The following CCL25 variants were observed in gnomAD, a reference collection of about 807,000 sequenced individuals.
CCL25 encodes C-C motif chemokine ligand 25.
Under a neutral mutation model 19.9 loss-of-function variants are expected in CCL25, and 14 were observed. The observed-to-expected ratio is 0.70, with a 90% confidence interval of 0.47 to 1.10. The LOEUF is 1.10. CCL25 is among the 50% of genes least tolerant of loss of function. CCL25 has a pLI of 0.00. For missense variants in CCL25, 151 were observed against 181.2 expected (o/e 0.83, Z 0.96); for synonymous variants, 68 against 73.2 (o/e 0.93, Z 0.36).
At chr19:8,055,763 G>C (rs190277511) in intron 2 of CCL25, among the ~76,000 whole-genome samples, 81 of 152,288 alleles carry the variant, frequency 5.3e-4, no homozygotes, top group African/African-American at 1.7e-3. Flanking sequence ...GAGCCACTGT[G>C]CTGAGCTGCC....
At chr19:8,053,271 G>T in intron 2 of CCL25, 149 bp downstream of exon 2, 1 of 523,318 alleles carries the variant, frequency 1.9e-6, no homozygotes, top group Non-Finnish European at 3.3e-6. Flanking sequence ...CCTGGTGTTT[G>T]GTTAGCTCTT....
rs1407923618 is a variant in CCL25, at chr19:8,062,495, G to C, written c.*270G>C. 2.0e-6 allele frequency: 1 copy of C among 507,108 alleles called. No homozygotes were observed. Among genetic ancestry groups the C allele is most frequent in the Non-Finnish European group, 3.5e-6 (1 of 282,026 alleles). 31.4% of individuals were successfully genotyped at this position (507,108 alleles called of 1,614,324 possible). A position where few individuals can be genotyped will look rare whatever the true frequency, so the allele number is the denominator to read the frequency against. On this transcript the variant is annotated 3_prime_UTR_variant, in exon 6 of 6. Coordinates refer to ENST00000315626, the MANE Select transcript of CCL25 (RefSeq NM_005624.4). The stretch of plus-strand genomic sequence containing the variant: ...CAGTGGCTCTTGTAGAGAAGACTTA[G>C]GATACCTCTCTCACTTTCTGTTTCT...
chr19:8,059,058 AAATATATATAATATATAATATATAT>A (rs2081296739), intron 5 of CCL25, among the ~76,000 whole-genome samples: 2 of 95,550 alleles, frequency 2.1e-5, no homozygotes, highest in East Asian at 2.7e-4. Context: ...TGTAATATAT[AAATATATATAATATATAATATATAT>A]AATATATATA....
At chr19:8,056,302 G>GGGGGGGGGGGGGGGGGGGCCGCCC in intron 3 of CCL25, 33 bp downstream of exon 3, 1 of 593,420 alleles carries the variant, frequency 1.7e-6, no homozygotes, top group Non-Finnish European at 3.2e-6. Flanking sequence ...GGGGGGTGGG[G>GGGGGGGGGGGGGGGGGGGCCGCCC]TGCACACACA....
rs773483705 is a variant in CCL25, at chr19:8,056,361, C to A, written c.192-5C>A. 6.2e-7 allele frequency: 1 copy of A among 1,613,186 alleles called. No homozygotes were observed. Among genetic ancestry groups the A allele is most frequent in the Non-Finnish European group, 8.5e-7 (1 of 1,179,678 alleles). ...AACCTGGGCACCCCCCTCTGCTCAC[C>A]ACAGATTCTACCTCCCCAAGAGACA... On this transcript the variant is annotated splice_polypyrimidine_tract_variant and splice_region_variant and intron_variant, in intron 3 of 5. Transcript: ENST00000315626.
intron 2 of CCL25, among the ~76,000 whole-genome samples, chr19:8,055,332 GT>G (rs1480653108): frequency 1.5e-5 from 2 of 136,866 alleles, no homozygotes; most frequent in Non-Finnish European, 3.1e-5. Flanking sequence ...GCTAATTTTT[GT>G]TTTTTGTTTT....
intron 5 of CCL25, among the ~76,000 whole-genome samples, chr19:8,060,774 G>A (rs957719906): frequency 2.0e-5 from 3 of 151,560 alleles, no homozygotes; most frequent in Admixed American, 6.6e-5. Context: ...TCTGCCTCCC[G>A]GGTTCACGCC....
chr19:8,056,221 CT>C lies in CCL25; in HGVS notation c.145del (p.Tyr49ThrfsTer6). ...IGWAVLRRAW[T>X]YRIQEVSGSC... ...TGGGCTGTGCTCCGGCGCGCCTGGA[CT>C]TACCGGATCCAGGAGGTGAGCGGGA... On this transcript the variant is annotated frameshift_variant, in exon 3 of 6. Transcript: ENST00000315626. LOFTEE classifies it high-confidence loss of function. 6.3e-7 allele frequency: 1 copy of C among 1,577,746 alleles called. No individual in the cohort carries two copies. Among genetic ancestry groups the C allele is most frequent in the Non-Finnish European group, 8.6e-7 (1 of 1,162,512 alleles).
chr19:8,061,567 G>T (rs2081318101), intron 5 of CCL25, among the ~76,000 whole-genome samples: 1 of 152,168 alleles, frequency 6.6e-6, no homozygotes, highest in Admixed American at 6.6e-5. Context: ...CAATGGCTTG[G>T]TCTTGCTGGT....
chr19:8,056,286 G>C lies in CCL25; in HGVS notation c.191+17G>C, dbSNP rs1255909964. The C allele has an allele frequency of 6.3e-7, 1 of 1,595,450 alleles. No individual in the cohort carries two copies. The highest frequency in any genetic ancestry group is 8.6e-7 in the Non-Finnish European group (1 of 1,168,366). ...TGCTGCGATGTGAGTGGGGCCGTGGGGGCTGGGGGGGTGGGGTGCACACAC... is the reference window on the plus strand; with the variant it reads ...TGCTGCGATGTGAGTGGGGCCGTGGCGGCTGGGGGGGTGGGGTGCACACAC... On this transcript the variant is annotated intron_variant, in intron 3 of 5. Transcript: ENST00000315626.
At chr19:8,059,184 A>G (rs1447007282) in intron 5 of CCL25, among the ~76,000 whole-genome samples, 1 of 121,566 alleles carries the variant, frequency 8.2e-6, no homozygotes, top group South Asian at 2.3e-4. Context: ...ATAATATATA[A>G]ATATATATAT....
At position 8,057,918 on chromosome 19, in the gene CCL25, C is replaced by G; in HGVS notation, c.443C>G (p.Ser148Ter). ...RNVSLLISAN[S>*]GL ...GTCTCCCTCCTGATATCAGCTAATT[C>G]AGGTAAGGACTCTTGGTCATGTGAC... is the stretch of plus-strand genomic sequence containing the variant. The change falls in exon 5 of 6, where the codon TCA (serine) becomes TGA (stop). Residue 148 changes from serine (S) to a stop codon, truncating the protein, a stop_gained and splice_region_variant. Transcript: ENST00000315626. LOFTEE classifies it high-confidence loss of function. The G allele has an allele frequency of 6.2e-7, 1 of 1,611,372 alleles. No individual in the cohort carries two copies. Among genetic ancestry groups the G allele is most frequent in the Middle Eastern group, 1.7e-4 (1 of 6,040 alleles).
intron 5 of CCL25, among the ~76,000 whole-genome samples, chr19:8,060,806 G>A (rs963821416): frequency 2.0e-5 from 3 of 151,542 alleles, no homozygotes; most frequent in Non-Finnish European, 4.4e-5. Flanking sequence ...TCAGCCTCTG[G>A]AGTAGCTGGG....
chr19:8,055,285 G>GAAA lies in CCL25; in HGVS notation c.74-853_74-851dup, dbSNP rs368584418. ...GCCTGGGTGACAGAGTGAGACTCTG[G>GAAA]AAAAAAAAAAAAAAAAGGCGCCCAC... On this transcript the variant is annotated intron_variant, in intron 2 of 5. Transcript: ENST00000315626. 7.9e-4 allele frequency among the ~76,000 whole-genome samples: 73 copies of GAAA among 92,748 alleles called. 2 individuals are homozygous for GAAA. The highest frequency in any genetic ancestry group is 9.4e-3 in the Middle Eastern group (1 of 106). The allele number at this position is 92,748 out of a possible 152,430, so 60.8% of individuals were successfully genotyped here.
In CCL25 at chr19:8,055,492, C is replaced by T. The variant is rs532177982; in HGVS notation, c.74-660C>T. Among the ~76,000 whole-genome samples, 26 of 151,488 alleles carry T rather than the reference C, an allele frequency of 1.7e-4. No homozygotes were observed. In the East Asian group the frequency reaches 3.0e-3, roughly 17 times the overall value. On this transcript the variant is annotated intron_variant, in intron 2 of 5. Coordinates refer to ENST00000315626, the MANE Select transcript of CCL25 (RefSeq NM_005624.4). ...CTGGGACTCCAGGCGCCCACCACCA[C>T]ACCCGGCTAATTTTTATATTTTTAG...
rs1028993838 is a variant in CCL25 at position 8,057,875 on chromosome 19, A to C, written c.400A>C (p.Ser134Arg). Residue 134 changes from serine (S) to arginine (R), a missense_variant, in exon 5 of 6, where the codon AGC (serine) becomes CGC (arginine). Transcript: ENST00000315626. ...ATCGTCCAAGTTTAGCAATCCCATC[A>C]GCAGCAGTAAGAGGAATGTCTCCCT... The part of the protein sequence containing the change: ...LSSSKFSNPI[S>R]SSKRNVSLLI... 2.5e-6 allele frequency: 4 copies of C among 1,613,582 alleles called. No homozygotes were observed. Among genetic ancestry groups the C allele is most frequent in the Non-Finnish European group, 2.5e-6 (3 of 1,179,596 alleles).
chr19:8,057,750 C>T (rs1291778765), intron 4 of CCL25, 51 bp from the exon 5 acceptor site: 1 of 1,559,052 alleles, frequency 6.4e-7, no homozygotes, highest in Admixed American at 1.9e-5. Context: ...GATCCAGGAG[C>T]TCAAAGGATG....
chr19:8,052,934 G>C (rs944106456), intron 1 of CCL25, 66 bp from the exon 2 acceptor site: 10 of 611,520 alleles, frequency 1.6e-5, no homozygotes, highest in Non-Finnish European at 2.8e-5. Context: ...CTTAAGAGGG[G>C]GGATGTTCCC....
rs531123623 is a variant in CCL25, at chr19:8,060,976, G to A, written c.446-1242G>A. On this transcript the variant is annotated intron_variant, in intron 5 of 5. Coordinates refer to ENST00000315626, the MANE Select transcript of CCL25 (RefSeq NM_005624.4). ...ATTACAGGTGTGAGCCACCATGCCC[G>A]GCCTAATTTTTTTTTTTTTTTTTTT... Among the ~76,000 whole-genome samples, 998 of 135,822 alleles carry A rather than the reference G, an allele frequency of 7.3e-3. 9 individuals are homozygous for A. Among genetic ancestry groups the A allele is most frequent in the African/African-American group, 0.025 (914 of 36,810 alleles). 89.1% of individuals were successfully genotyped at this position (135,822 alleles called of 152,430 possible).
Sources: allele counts gnomAD v4.1 joint callset (sites outside exome capture counted in the v4.1 genomes callset), GRCh38; gene constraint gnomAD v4.1.1; transcripts MANE v1.5; gene names NCBI Gene and HGNC (gene_info 2026-07-23, HGNC 2026-07-21).